MON2: variants seen among roughly 807,000 people sequenced by gnomAD.
The protein encoded by MON2 is protein MON2 homolog.
A neutral mutation model predicts 208.6 loss-of-function variants in MON2; 84 were observed. The observed-to-expected ratio is 0.40, with a 90% CI of 0.34 to 0.48. The LOEUF (loss-of-function observed/expected upper bound fraction) is 0.48, where lower values mean the gene tolerates loss of function less well. MON2 is among the 20% of genes least tolerant of loss of function. MON2 has a pLI of 0.59. For missense variants in MON2, 1,611 were observed against 2,015.4 expected, an observed-to-expected ratio of 0.80 and a Z score of 3.84; for synonymous variants, 660 against 694.0, an observed-to-expected ratio of 0.95 and a Z score of 0.77.
In MON2 at chr12:62,530,784, C is replaced by G. The variant is rs145372232; in HGVS notation, c.1401-1654C>G. ...GGAATTGCTGGGTTATATGGTCACTCTATGTTTACATTTTTGAGGAAGTGC... is the reference window on the plus strand; with the variant it reads ...GGAATTGCTGGGTTATATGGTCACTGTATGTTTACATTTTTGAGGAAGTGC... On this transcript the variant is annotated intron_variant, in intron 11 of 34. Coordinates refer to ENST00000393630, the MANE Select transcript of MON2 (RefSeq NM_015026.3). Among the ~76,000 whole-genome samples, 1,138 of 152,198 alleles carry G rather than the reference C, an allele frequency of 7.5e-3. 9 individuals carry two copies. Among genetic ancestry groups the G allele is most frequent in the Non-Finnish European group, 8.6e-3 (586 of 68,006 alleles).
At chr12:62,470,802 T>C in intron 1 of MON2, 1 of 973,118 alleles carries the variant, frequency 1.0e-6, no homozygotes, top group Non-Finnish European at 1.2e-6. Context: ...GTAAAATAAA[T>C]TTTATACTGA....
chr12:62,499,907 G>A (rs1317868338), intron 5 of MON2, among the ~76,000 whole-genome samples: 1 of 151,890 alleles, frequency 6.6e-6, no homozygotes, highest in Admixed American at 6.6e-5. Flanking sequence ...TATTTTTATC[G>A]ACTACCTTTA....
intron 9 of MON2, 55 bp from the exon 10 acceptor site, chr12:62,525,029 C>T (rs936308671): frequency 2.1e-6 from 3 of 1,446,216 alleles, no homozygotes; most frequent in Middle Eastern, 1.8e-4. Context: ...AAAAGGTTTA[C>T]AGTTTTTAAT....
intron 12 of MON2, among the ~76,000 whole-genome samples, chr12:62,534,549 ATATATATATATATATATATTT>A (rs1258241164): frequency 2.6e-5 from 2 of 76,116 alleles, no homozygotes; most frequent in Non-Finnish European, 5.4e-5. Flanking sequence ...AAAAATATAT[ATATATATATATATATATATTT>A]TATATATATA....
intron 30 of MON2, among the ~76,000 whole-genome samples, chr12:62,573,443 C>G (rs2074671650): frequency 6.7e-6 from 1 of 149,176 alleles, no homozygotes; most frequent in Non-Finnish European, 1.5e-5. Context: ...TATTGCTTTC[C>G]CTAGCAAGGT....
At chr12:62,467,548 A>C (rs2068577349) in intron 1 of MON2, among the ~76,000 whole-genome samples, 1 of 152,176 alleles carries the variant, frequency 6.6e-6, no homozygotes, top group Non-Finnish European at 1.5e-5. Flanking sequence ...GAAGTTCATG[A>C]AGTGAGCCTA....
intron 8 of MON2, among the ~76,000 whole-genome samples, chr12:62,524,238 G>A (rs1205975378): frequency 6.6e-6 from 1 of 152,090 alleles, no homozygotes; most frequent in Non-Finnish European, 1.5e-5. Flanking sequence ...GGTATTATCT[G>A]CTTTCTAAAG....
chr12:62,543,520 G>T (rs1254216765), intron 20 of MON2, among the ~76,000 whole-genome samples: 1 of 152,110 alleles, frequency 6.6e-6, no homozygotes, highest in East Asian at 1.9e-4. Flanking sequence ...AGATAGTTCT[G>T]AAACTTCAAG....
chr12:62,503,580 CCTT>C (rs2070949285), intron 7 of MON2, among the ~76,000 whole-genome samples: 2 of 152,324 alleles, frequency 1.3e-5, no homozygotes, highest in South Asian at 4.1e-4. Flanking sequence ...TTGATATCCT[CCTT>C]ATCAGACTAA....
In MON2 at chr12:62,522,621, A is replaced by C. The variant is rs538776629; in HGVS notation, c.985-1894A>C. On this transcript the variant is annotated intron_variant, in intron 8 of 34. Transcript: ENST00000393630. ...TCATGTTGGTATAGTGGAGTTTATG[A>C]CATATCTGGGTCACAAAAATTGGAT... Among the ~76,000 whole-genome samples, 3 of 152,322 alleles carry C rather than the reference A, an allele frequency of 2.0e-5. No homozygotes were observed. In the East Asian group the frequency reaches 5.8e-4, roughly 29 times the overall value.
intron 25 of MON2, among the ~76,000 whole-genome samples, chr12:62,558,881 C>T (rs150518324): frequency 0.046 from 6,904 of 151,698 alleles, 219 homozygotes; most frequent in Non-Finnish European, 0.059. Context: ...TATTTTTAGT[C>T]GAGACAGGGT....
intron 29 of MON2, among the ~76,000 whole-genome samples, chr12:62,568,706 C>G (rs1210973747): frequency 6.6e-6 from 1 of 152,012 alleles, no homozygotes; most frequent in African/African-American, 2.4e-5. Flanking sequence ...ATTGCCTGGG[C>G]TGGAGTGCAG....
At chr12:62,469,330 A>C (rs1434095973) in intron 1 of MON2, among the ~76,000 whole-genome samples, 1 of 152,174 alleles carries the variant, frequency 6.6e-6, no homozygotes, top group African/African-American at 2.4e-5. Context: ...TGGGAGACAG[A>C]AGGAGACCCT....
intron 1 of MON2, among the ~76,000 whole-genome samples, chr12:62,470,263 A>G (rs1451250615): frequency 6.6e-6 from 1 of 152,166 alleles, no homozygotes; most frequent in African/African-American, 2.4e-5. Context: ...TCTGTTAGAA[A>G]AACCAATAAA....
intron 1 of MON2, among the ~76,000 whole-genome samples, chr12:62,474,460 T>G (rs1263303969): frequency 6.6e-6 from 1 of 151,742 alleles, no homozygotes; most frequent in Non-Finnish European, 1.5e-5. Context: ...GTTTCACTCA[T>G]GTTATCCAGG....
chr12:62,500,225 A>C (rs2070755799), intron 5 of MON2, among the ~76,000 whole-genome samples: 1 of 152,200 alleles, frequency 6.6e-6, no homozygotes, highest in Non-Finnish European at 1.5e-5. Flanking sequence ...TCGTTAAGTC[A>C]ATATTTATTC....
In MON2 at chr12:62,554,624, A is replaced by G. The variant is rs149062967; in HGVS notation, c.3211-1370A>G. 2.3e-4 allele frequency among the ~76,000 whole-genome samples: 35 copies of G among 152,252 alleles called. 1 individual carries two copies. The East Asian group carries it at 2.3e-3, about 10-fold the overall frequency. On this transcript the variant is annotated intron_variant, in intron 24 of 34. Coordinates refer to ENST00000393630, the MANE Select transcript of MON2 (RefSeq NM_015026.3). ...ATCCTCCCACCTCAGCCTCTTGAGT[A>G]GCTAGGACTGTAGGCTCACACTACC...
intron 34 of MON2, among the ~76,000 whole-genome samples, chr12:62,591,060 C>A (rs1231358121): frequency 1.3e-5 from 2 of 152,306 alleles, no homozygotes; most frequent in East Asian, 3.9e-4. Context: ...TTAATTTGGT[C>A]AATTGACTCT....
At chr12:62,468,162 A>T (rs971773933) in intron 1 of MON2, among the ~76,000 whole-genome samples, 1 of 151,326 alleles carries the variant, frequency 6.6e-6, no homozygotes, top group Non-Finnish European at 1.5e-5. Context: ...CTCTAAAAAA[A>T]AAAAACAAAC....
Sources: allele counts gnomAD v4.1 joint callset (sites outside exome capture counted in the v4.1 genomes callset), GRCh38; gene constraint gnomAD v4.1.1; transcripts MANE v1.5; gene names NCBI Gene and HGNC (gene_info 2026-07-23, HGNC 2026-07-21).